XKR6: variants seen among roughly 807,000 people sequenced by gnomAD.
XKR6 encodes the protein XK related 6, also known as XK-related protein 6.
A neutral mutation model predicts 56.7 loss-of-function variants in XKR6; 22 were observed. That is an observed-to-expected ratio of 0.39 (90% CI 0.28 to 0.55). The LOEUF (loss-of-function observed/expected upper bound fraction) is 0.55. XKR6 is among the 20% of genes least tolerant of loss of function. The pLI is 0.66. For missense variants in XKR6, 852 were observed against 889.0 expected, an observed-to-expected ratio of 0.96 and a Z score of 0.53; for synonymous variants, 524 against 387.8, an observed-to-expected ratio of 1.35 and a Z score of -4.13.
chr8:11,141,431 A>AGGATT (rs1800693565), intron 1 of XKR6, among the ~76,000 whole-genome samples: 1 of 152,252 alleles, frequency 6.6e-6, no homozygotes, highest in Non-Finnish European at 1.5e-5. Flanking sequence ...TAACTAAGGC[A>AGGATT]CCATGTGAAG....
intron 1 of XKR6, among the ~76,000 whole-genome samples, chr8:11,192,234 C>A (rs373497592): frequency 9.2e-5 from 14 of 152,042 alleles, no homozygotes; most frequent in African/African-American, 3.1e-4. Flanking sequence ...TCTGGGCTCA[C>A]TGCAACCTCC....
At chr8:11,165,978 T>TG (rs201073565) in intron 1 of XKR6, among the ~76,000 whole-genome samples, 10,157 of 149,330 alleles carry the variant, frequency 0.068, 614 homozygotes, top group African/African-American at 0.15. Flanking sequence ...TTTTTTGAGA[T>TG]GGAGTCTCAC....
chr8:11,195,809 C>T (rs995419449), intron 1 of XKR6, among the ~76,000 whole-genome samples: 1 of 151,824 alleles, frequency 6.6e-6, no homozygotes, highest in Non-Finnish European at 1.5e-5. Flanking sequence ...CCACCACGCC[C>T]GGCTAATTTT....
At chr8:11,080,941 T>C (rs966185816) in intron 1 of XKR6, among the ~76,000 whole-genome samples, 1 of 152,124 alleles carries the variant, frequency 6.6e-6, no homozygotes, top group Non-Finnish European at 1.5e-5. Context: ...AAGATCCGTA[T>C]GACAAGGAGA....
chr8:10,907,250 C>T (rs1444483633), intron 2 of XKR6, among the ~76,000 whole-genome samples: 3 of 152,270 alleles, frequency 2.0e-5, no homozygotes, highest in South Asian at 2.1e-4. Context: ...ATCACACCAT[C>T]CTCTGGCTGG....
intron 2 of XKR6, among the ~76,000 whole-genome samples, chr8:10,912,749 G>T (rs904578608): frequency 6.8e-6 from 1 of 148,074 alleles, no homozygotes; most frequent in African/African-American, 2.5e-5. Flanking sequence ...TATATAGAGA[G>T]AGAGAGACGG....
chr8:11,058,417 G>A (rs755454057), intron 1 of XKR6, among the ~76,000 whole-genome samples: 10 of 152,184 alleles, frequency 6.6e-5, no homozygotes, highest in Admixed American at 2.0e-4. Context: ...AAGGCTATTT[G>A]CTACGTAAAT....
At chr8:10,949,779 A>C (rs1801663609) in intron 1 of XKR6, among the ~76,000 whole-genome samples, 1 of 152,134 alleles carries the variant, frequency 6.6e-6, no homozygotes, top group Non-Finnish European at 1.5e-5. Context: ...CAGAGGAGGG[A>C]ACTCCTAGCC....
intron 1 of XKR6, among the ~76,000 whole-genome samples, chr8:11,026,129 C>A (rs1798855100): frequency 6.6e-6 from 1 of 152,154 alleles, no homozygotes; most frequent in African/African-American, 2.4e-5. Context: ...TTACACATGC[C>A]TAGATGGTGT....
chr8:10,948,601 A>C (rs1801620141), intron 1 of XKR6, among the ~76,000 whole-genome samples: 1 of 152,048 alleles, frequency 6.6e-6, no homozygotes, highest in Non-Finnish European at 1.5e-5. Context: ...CCTACAGGAC[A>C]TGGTCTATCC....
chr8:11,130,080 T>C (rs1365566519), intron 1 of XKR6, among the ~76,000 whole-genome samples: 1 of 152,132 alleles, frequency 6.6e-6, no homozygotes, highest in Non-Finnish European at 1.5e-5. Context: ...CATTACATAC[T>C]CAAAACACAC....
intron 1 of XKR6, among the ~76,000 whole-genome samples, chr8:11,089,953 G>A (rs1798011828): frequency 1.3e-5 from 2 of 151,994 alleles, no homozygotes; most frequent in Non-Finnish European, 2.9e-5. Context: ...AAATGGTTTT[G>A]TACTGTAGAT....
At chr8:11,145,182 T>G (rs1266824534) in intron 1 of XKR6, among the ~76,000 whole-genome samples, 1 of 152,100 alleles carries the variant, frequency 6.6e-6, no homozygotes, top group African/African-American at 2.4e-5. Context: ...ATTTTGGATT[T>G]CAGATTTTTG....
chr8:11,061,010 A>G (rs542580918), intron 1 of XKR6, among the ~76,000 whole-genome samples: 1 of 152,340 alleles, frequency 6.6e-6, no homozygotes, highest in African/African-American at 2.4e-5. Context: ...CCAGGTCTAA[A>G]GCCTGTATTC....
chr8:11,146,728 C>T (rs1335441421), intron 1 of XKR6, among the ~76,000 whole-genome samples: 1 of 151,518 alleles, frequency 6.6e-6, no homozygotes, highest in Admixed American at 6.6e-5. Flanking sequence ...ATCTCAATGT[C>T]CATTGTCAGA....
intron 1 of XKR6, among the ~76,000 whole-genome samples, chr8:10,947,438 G>T (rs1586340729): frequency 1.3e-5 from 2 of 152,224 alleles, no homozygotes; most frequent in South Asian, 2.1e-4. Context: ...CAAATCTGGG[G>T]GCATGGTTGG....
chr8:11,198,276 C>G (rs1211995680), intron 1 of XKR6, among the ~76,000 whole-genome samples: 1 of 152,124 alleles, frequency 6.6e-6, no homozygotes, highest in African/African-American at 2.4e-5. Context: ...TGCAGTATTT[C>G]AAGCAAAACC....
At chr8:10,983,050 A>C (rs1207040672) in intron 1 of XKR6, among the ~76,000 whole-genome samples, 1 of 152,262 alleles carries the variant, frequency 6.6e-6, no homozygotes, top group African/African-American at 2.4e-5. Context: ...AGAATATATG[A>C]AAACATCTTG....
chr8:11,112,674 C>G (rs1407537016), intron 1 of XKR6, among the ~76,000 whole-genome samples: 1 of 152,156 alleles, frequency 6.6e-6, no homozygotes, highest in East Asian at 1.9e-4. Context: ...TGAGTGCACA[C>G]TGGTTTTTCT....
Sources: allele counts gnomAD v4.1 joint callset (sites outside exome capture counted in the v4.1 genomes callset), GRCh38; gene constraint gnomAD v4.1.1; transcripts MANE v1.5; gene names NCBI Gene and HGNC (gene_info 2026-07-23, HGNC 2026-07-21).